The following PLD1 variants were observed in gnomAD, a reference collection of about 807,000 sequenced individuals.
PLD1 encodes the protein phospholipase D1, also known as choline phosphatase 1.
PLD1 carries 112 observed loss-of-function variants against 137.1 expected under a neutral mutation model. The observed-to-expected ratio is 0.82, with a 90% CI of 0.70 to 0.96. The LOEUF is 0.96. Among genes scored for constraint, PLD1 ranks in the 40% least tolerant of loss-of-function variants. PLD1 has a pLI of 0.00. For synonymous variants in PLD1, 431 were observed against 454.7 expected (o/e 0.95, Z 0.66); for missense variants, 1,321 against 1,342.0 (o/e 0.98, Z 0.24).
At chr3:171,638,246 C>T (rs951953628) in intron 23 of PLD1, among the ~76,000 whole-genome samples, 2 of 150,540 alleles carry the variant, frequency 1.3e-5, no homozygotes, top group Non-Finnish European at 1.5e-5. Context: ...AATGAAGTTG[C>T]TCTGGGTGTG....
At chr3:171,605,236 A>C in intron 26 of PLD1, 63 bp downstream of exon 26, 1 of 943,460 alleles carries the variant, frequency 1.1e-6, no homozygotes, top group Non-Finnish European at 1.8e-6. Flanking sequence ...CAGAAATAAC[A>C]ATATGCTTTT....
chr3:171,728,096 G>A (rs1434126828), intron 6 of PLD1, among the ~76,000 whole-genome samples: 1 of 152,148 alleles, frequency 6.6e-6, no homozygotes, highest in Non-Finnish European at 1.5e-5. Context: ...GATCACTTGA[G>A]GTCAAGAGTT....
chr3:171,684,993 A>G (rs756929919), intron 16 of PLD1, among the ~76,000 whole-genome samples: 2 of 152,194 alleles, frequency 1.3e-5, no homozygotes, highest in Non-Finnish European at 2.9e-5. Context: ...TGATTATTGC[A>G]TTTTTTAAAA....
chr3:171,709,785 A>G (rs1219768242), intron 9 of PLD1, 76 bp from the exon 10 acceptor site: 5 of 1,287,244 alleles, frequency 3.9e-6, no homozygotes, highest in African/African-American at 1.5e-5. Context: ...TTGGTAATAT[A>G]CCAAACACAA....
At chr3:171,760,927 T>G (rs1379013706) in intron 1 of PLD1, among the ~76,000 whole-genome samples, 1 of 152,202 alleles carries the variant, frequency 6.6e-6, no homozygotes, top group Non-Finnish European at 1.5e-5. Flanking sequence ...CAAACTTTAG[T>G]AGGATATTTG....
At chr3:171,787,722 G>C (rs1366100465) in intron 1 of PLD1, among the ~76,000 whole-genome samples, 1 of 151,988 alleles carries the variant, frequency 6.6e-6, no homozygotes, top group Non-Finnish European at 1.5e-5. Flanking sequence ...ACAAGTTAAA[G>C]AACAGCCACC....
At chr3:171,795,445 A>G (rs954210827) in intron 1 of PLD1, among the ~76,000 whole-genome samples, 3 of 152,198 alleles carry the variant, frequency 2.0e-5, no homozygotes, top group African/African-American at 4.8e-5. Context: ...TGATGCTCCA[A>G]TATTGGTTCC....
At chr3:171,665,715 A>G (rs1315289492) in intron 19 of PLD1, among the ~76,000 whole-genome samples, 1 of 151,900 alleles carries the variant, frequency 6.6e-6, no homozygotes, top group Non-Finnish European at 1.5e-5. Flanking sequence ...GAAAAAAAAA[A>G]AAGACCATTT....
chr3:171,674,806 C>T (rs1210489002), intron 18 of PLD1, among the ~76,000 whole-genome samples, 193 bp from the exon 19 acceptor site: 1 of 151,536 alleles, frequency 6.6e-6, no homozygotes, highest in African/African-American at 2.4e-5. Context: ...GGTGAAACCC[C>T]CATCTCTACT....
At chr3:171,606,587 C>A (rs1578086554) in intron 25 of PLD1, among the ~76,000 whole-genome samples, 1 of 152,226 alleles carries the variant, frequency 6.6e-6, no homozygotes, top group South Asian at 2.1e-4. Context: ...AATCCTGAAA[C>A]CACACAAAGA....
intron 23 of PLD1, among the ~76,000 whole-genome samples, chr3:171,629,302 C>G (rs1734440336): frequency 6.6e-6 from 1 of 151,834 alleles, no homozygotes; most frequent in South Asian, 2.1e-4. Context: ...ATCCAACTTA[C>G]AAGGGACGTG....
intron 8 of PLD1, among the ~76,000 whole-genome samples, chr3:171,715,408 TG>T (rs1475895593): frequency 1.3e-5 from 2 of 152,212 alleles, no homozygotes; most frequent in Non-Finnish European, 2.9e-5. Context: ...AGCTTTGGTT[TG>T]TTTTTTGTTT....
rs947563029 is a variant in PLD1, at chr3:171,737,934, C to T, written c.118G>A (p.Val40Ile). Reference sequence around the variant, plus strand: ...TCGCTGGGAGACACGTCGTAGTCTACCTCCTCTCCCTCAAAGTGGAGTTCC... The same window carrying T: ...TCGCTGGGAGACACGTCGTAGTCTATCTCCTCTCCCTCAAAGTGGAGTTCC... ...TRELHFEGEE[V>I]DYDVSPSDPK... The change falls in exon 2 of 27, where the codon GTA becomes ATA. Residue 40 changes from valine to isoleucine, a missense_variant. Val to Ile is a conservative substitution (Grantham distance 29). Transcript: ENST00000351298. 12 of 1,613,594 alleles carry T rather than the reference C, an allele frequency of 7.4e-6. No homozygotes were observed. The highest frequency in any genetic ancestry group is 9.3e-6 in the Non-Finnish European group (11 of 1,179,548).
intron 23 of PLD1, among the ~76,000 whole-genome samples, chr3:171,624,592 T>C (rs1733925389): frequency 1.3e-5 from 2 of 152,188 alleles, no homozygotes; most frequent in African/African-American, 4.8e-5. Context: ...CAGTTACCCA[T>C]TGTATGTAGT....
At chr3:171,760,229 A>T (rs1721302844) in intron 1 of PLD1, among the ~76,000 whole-genome samples, 1 of 152,160 alleles carries the variant, frequency 6.6e-6, no homozygotes, top group Non-Finnish European at 1.5e-5. Context: ...ATTGAGTTTT[A>T]TCCTTTTTGT....
chr3:171,692,155 T>C (rs1715225024), intron 13 of PLD1, among the ~76,000 whole-genome samples, 177 bp downstream of exon 13: 1 of 152,176 alleles, frequency 6.6e-6, no homozygotes, highest in Admixed American at 6.5e-5. Flanking sequence ...CTTACCCCCA[T>C]CAATGTAGGG....
chr3:171,779,552 A>G (rs1055600858), intron 1 of PLD1, among the ~76,000 whole-genome samples: 2 of 152,238 alleles, frequency 1.3e-5, no homozygotes, highest in African/African-American at 2.4e-5. Flanking sequence ...CCAAACGAAG[A>G]GAAGTAGGAC....
chr3:171,700,593 C>T (rs1281911400), intron 11 of PLD1, among the ~76,000 whole-genome samples: 1 of 152,150 alleles, frequency 6.6e-6, no homozygotes, highest in African/African-American at 2.4e-5. Context: ...AAAAATACAT[C>T]CTCAGTGTTT....
chr3:171,693,486 T>A (rs1715396474), intron 12 of PLD1, among the ~76,000 whole-genome samples: 1 of 151,936 alleles, frequency 6.6e-6, no homozygotes, highest in Non-Finnish European at 1.5e-5. Flanking sequence ...TGGATCCCCC[T>A]CCAATGTATA....
Sources: gnomAD v4.1 joint callset for allele counts (sites outside exome capture counted in the v4.1 genomes callset) on GRCh38, gnomAD v4.1.1 for gene constraint, MANE v1.5 for transcripts, NCBI Gene and HGNC (gene_info 2026-07-23, HGNC 2026-07-21) for gene names.